GPR149: variants seen among roughly 807,000 people sequenced by gnomAD.
GPR149 encodes the protein G protein-coupled receptor 149, also known as probable G protein-coupled receptor 149.
GPR149 carries 50 observed loss-of-function variants against 50.2 expected under a neutral mutation model. The ratio of observed to expected loss-of-function variants is 1.00; its 90% CI spans 0.79 to 1.26. The LOEUF (loss-of-function observed/expected upper bound fraction) is 1.26. GPR149 is among the 50% of genes most tolerant of loss of function. The pLI, the probability that GPR149 is intolerant of heterozygous loss-of-function variation, is 0.00. For synonymous variants in GPR149, 405 were observed against 358.2 expected, an observed-to-expected ratio of 1.13 and a Z score of -1.48; for missense variants, 983 against 895.4, an observed-to-expected ratio of 1.10 and a Z score of -1.25.
At chr3:154,404,168 T>C (rs779670827) in intron 3 of GPR149, among the ~76,000 whole-genome samples, 3 of 152,208 alleles carry the variant, frequency 2.0e-5, no homozygotes, top group Non-Finnish European at 4.4e-5. Context: ...TACATTTAAG[T>C]TTTTCCATAT....
Position 154,361,131 on chromosome 3 carries a change from T to G in GPR149, c.1624-22860A>C, listed in dbSNP as rs115396658. ...ACACAGCAGATACTAAAGCAATTCT[T>G]TTTAAAATACATTATTACAAAGATT... On this transcript the variant is annotated intron_variant, in intron 3 of 3. Coordinates refer to ENST00000389740, the MANE Select transcript of GPR149 (RefSeq NM_001038705.3). Among the ~76,000 whole-genome samples the G allele has an allele frequency of 1.6e-3, 240 of 152,302 alleles. 1 individual carries two copies. The highest frequency in any genetic ancestry group is 2.7e-3 in the Admixed American group (42 of 15,298).
At chr3:154,354,066 G>A in intron 3 of GPR149, 1 of 446,184 alleles carries the variant, frequency 2.2e-6, no homozygotes, top group South Asian at 2.0e-5. Context: ...TTCTTCCTAT[G>A]AGATTTAGAG....
At chr3:154,375,655 A>T (rs1714774994) in intron 3 of GPR149, among the ~76,000 whole-genome samples, 1 of 152,204 alleles carries the variant, frequency 6.6e-6, no homozygotes, top group Non-Finnish European at 1.5e-5. Flanking sequence ...TATGGAAAGT[A>T]TATCATTTTA....
intron 3 of GPR149, among the ~76,000 whole-genome samples, chr3:154,397,110 G>C (rs1715311193): frequency 6.6e-6 from 1 of 152,074 alleles, no homozygotes; most frequent in South Asian, 2.1e-4. Context: ...ATTTGAAATG[G>C]AAGCAAATCC....
rs1487756379 is a variant in GPR149 at position 154,428,795 on chromosome 3, A to C, written c.821T>G (p.Val274Gly). The C allele has an allele frequency of 1.2e-6, 2 of 1,613,692 alleles. No individual in the cohort carries two copies. Among genetic ancestry groups the C allele is most frequent in the Non-Finnish European group, 1.7e-6 (2 of 1,180,004 alleles). Residue 274 changes from valine (V) to glycine (G), a missense_variant, in exon 1 of 4, where the codon GTG becomes GGG. Val to Gly is a moderately radical substitution (Grantham distance 109, BLOSUM62 -3). Transcript: ENST00000389740. ...GGCAGCGGGCGCACCCGGTCCGAACACGGTGTCGGAGCTCGGAGAGCATCC... is the reference window on the plus strand; with the variant it reads ...GGCAGCGGGCGCACCCGGTCCGAACCCGGTGTCGGAGCTCGGAGAGCATCC... ...SGGCSPSSDT[V>G]FGPGAPAAAG...
In GPR149 at chr3:154,354,806, C is replaced by T. The variant is rs73872827; in HGVS notation, c.1624-16535G>A. On this transcript the variant is annotated intron_variant, in intron 3 of 3. Coordinates refer to ENST00000389740, the MANE Select transcript of GPR149 (RefSeq NM_001038705.3). The stretch of plus-strand genomic sequence containing the variant: ...CAAGGAGTTTCCCAGGCATTACTGG[C>T]CACCACCTCCCTCCACGCACAGTGG... The T allele has an allele frequency of 6.0e-3, 3,777 of 631,464 alleles. 161 individuals are homozygous for T. In the African/African-American group the frequency reaches 0.072, roughly 12 times the overall value. 39.1% of individuals were successfully genotyped at this position (631,464 alleles called of 1,614,324 possible).
chr3:154,398,480 T>C (rs760445096), intron 3 of GPR149, among the ~76,000 whole-genome samples: 2 of 152,184 alleles, frequency 1.3e-5, no homozygotes, highest in African/African-American at 4.8e-5. Context: ...TCCTAAACTA[T>C]AAAATAGATC....
intron 3 of GPR149, among the ~76,000 whole-genome samples, chr3:154,368,009 A>G (rs1714581736): frequency 1.3e-5 from 2 of 152,174 alleles, no homozygotes; most frequent in Admixed American, 1.3e-4. Flanking sequence ...AGGGCTGTCT[A>G]ACAACCCCCG....
intron 3 of GPR149, among the ~76,000 whole-genome samples, chr3:154,407,121 C>CCT (rs1301372936): frequency 6.6e-6 from 1 of 152,042 alleles, no homozygotes; most frequent in Non-Finnish European, 1.5e-5. Flanking sequence ...CCACTGGGTC[C>CCT]CTCCCATAAC....
intron 3 of GPR149, chr3:154,353,213 C>T: frequency 6.5e-7 from 1 of 1,531,990 alleles, no homozygotes; most frequent in East Asian, 2.2e-5. Context: ...TAACTGCTGG[C>T]CTCTGAGACC....
intron 3 of GPR149, among the ~76,000 whole-genome samples, chr3:154,416,182 A>T (rs546935409): frequency 3.9e-4 from 60 of 152,014 alleles, no homozygotes; most frequent in Middle Eastern, 6.8e-3. Context: ...TTCCAGCCTT[A>T]TACTTTATGG....
intron 3 of GPR149, among the ~76,000 whole-genome samples, chr3:154,369,186 A>T (rs941318571): frequency 6.6e-6 from 1 of 152,190 alleles, no homozygotes. Flanking sequence ...CATGCCTTCA[A>T]AACTGGACAC....
rs1332186748 is a variant in GPR149 at position 154,383,521 on chromosome 3, T to C, written c.1623+37518A>G. ...TATCGAAGTAGTTAAAAAAAATGCC[T>C]GTTGACTTGATACAGTCATATGTGG... On this transcript the variant is annotated intron_variant, in intron 3 of 3. Coordinates refer to ENST00000389740, the MANE Select transcript of GPR149 (RefSeq NM_001038705.3). Among the ~76,000 whole-genome samples, 3 of 152,266 alleles carry C rather than the reference T, an allele frequency of 2.0e-5. No homozygotes were observed. The East Asian group carries it at 5.8e-4, about 29-fold the overall frequency.
intron 3 of GPR149, among the ~76,000 whole-genome samples, chr3:154,403,216 T>G (rs1711591718): frequency 6.6e-6 from 1 of 152,178 alleles, no homozygotes; most frequent in South Asian, 2.1e-4. Flanking sequence ...AAGCCAGATC[T>G]TAGGAGCAGC....
intron 3 of GPR149, among the ~76,000 whole-genome samples, chr3:154,405,385 G>A (rs1463644802): frequency 5.9e-5 from 9 of 151,832 alleles, no homozygotes; most frequent in South Asian, 2.1e-4. Context: ...TCAGGAGAGC[G>A]AGACCATCCT....
At chr3:154,382,781 TTTAATTTAATATACTCAAA>T (rs1283758865) in intron 3 of GPR149, among the ~76,000 whole-genome samples, 2 of 152,212 alleles carry the variant, frequency 1.3e-5, no homozygotes, top group Non-Finnish European at 2.9e-5. Context: ...TCAATATTGT[TTTAATTTAATATACTCAAA>T]TTAATTTAAT....
intron 3 of GPR149, among the ~76,000 whole-genome samples, chr3:154,362,220 C>T (rs556498846): frequency 8.7e-4 from 120 of 137,262 alleles, no homozygotes; most frequent in African/African-American, 2.8e-3. Context: ...ACCCGGGAGG[C>T]GGAGCCTGCA....
intron 3 of GPR149, among the ~76,000 whole-genome samples, chr3:154,381,107 T>C (rs972363081): frequency 7.9e-5 from 12 of 152,192 alleles, no homozygotes; most frequent in Admixed American, 7.9e-4. Flanking sequence ...AAACCATTAT[T>C]ATAAATAAAG....
intron 3 of GPR149, among the ~76,000 whole-genome samples, chr3:154,420,414 C>A (rs527606877): frequency 1.3e-5 from 2 of 151,898 alleles, no homozygotes; most frequent in Non-Finnish European, 2.9e-5. Context: ...AATTCATGTG[C>A]AAATTCTTTT....
Sources: allele counts gnomAD v4.1 joint callset (sites outside exome capture counted in the v4.1 genomes callset), GRCh38; gene constraint gnomAD v4.1.1; transcripts MANE v1.5; gene names NCBI Gene and HGNC (gene_info 2026-07-23, HGNC 2026-07-21).